VPS36: variants seen among roughly 807,000 people sequenced by gnomAD.
VPS36 encodes vacuolar protein-sorting-associated protein 36.
In VPS36, 31 loss-of-function variants were observed where a neutral mutation model predicts 63.5. The observed-to-expected ratio is 0.49, with a 90% CI of 0.37 to 0.66. The LOEUF (loss-of-function observed/expected upper bound fraction) is 0.66. VPS36 is among the 30% of genes least tolerant of loss of function. The pLI is 0.00. For synonymous variants in VPS36, 138 were observed against 157.2 expected (o/e 0.88, Z 0.91); for missense variants, 338 against 463.7 (o/e 0.73, Z 2.49).
At chr13:52,427,745 C>CG (rs1365445505) in intron 6 of VPS36, among the ~76,000 whole-genome samples, 2 of 152,014 alleles carry the variant, frequency 1.3e-5, no homozygotes, top group African/African-American at 4.8e-5. Flanking sequence ...TGCAAAAGAA[C>CG]TTCACATTTT....
At chr13:52,439,425 TTTTC>T (rs1468359915) in intron 2 of VPS36, among the ~76,000 whole-genome samples, 1 of 151,856 alleles carries the variant, frequency 6.6e-6, no homozygotes, top group Non-Finnish European at 1.5e-5. Flanking sequence ...AATGGGTGTA[TTTTC>T]TTTATTATTA....
intron 2 of VPS36, among the ~76,000 whole-genome samples, chr13:52,441,425 T>C (rs1161246141): frequency 6.6e-6 from 1 of 152,120 alleles, no homozygotes; most frequent in Non-Finnish European, 1.5e-5. Flanking sequence ...ATCAGCTCTA[T>C]ATACATATAA....
chr13:52,450,361 AG>A, intron 1 of VPS36, 137 bp downstream of exon 1: 1 of 1,232,120 alleles, frequency 8.1e-7, no homozygotes, highest in Non-Finnish European at 1.0e-6. Flanking sequence ...CACCCCGCAC[AG>A]AGGCCTGCCG....
intron 6 of VPS36, among the ~76,000 whole-genome samples, chr13:52,430,777 G>A (rs1397257194): frequency 6.6e-6 from 1 of 151,836 alleles, no homozygotes; most frequent in African/African-American, 2.4e-5. Flanking sequence ...TAAAATTACT[G>A]GGCTTTAAAG....
At chr13:52,442,755 T>C (rs918903519) in intron 1 of VPS36, among the ~76,000 whole-genome samples, 1 of 152,132 alleles carries the variant, frequency 6.6e-6, no homozygotes, top group Non-Finnish European at 1.5e-5. Context: ...CTCTAAGACA[T>C]TGGATGAGTG....
intron 9 of VPS36, among the ~76,000 whole-genome samples, chr13:52,424,708 C>T (rs775018373): frequency 2.0e-5 from 3 of 152,010 alleles, no homozygotes; most frequent in South Asian, 2.1e-4. Context: ...AATACTAGGC[C>T]GGCACGGTGG....
rs1322671121 is a variant in VPS36, at chr13:52,417,075, C to A, written c.972G>T (p.Val324=). 6.2e-7 allele frequency: 1 copy of A among 1,613,988 alleles called. No homozygotes were observed. The highest frequency in any genetic ancestry group is 1.1e-5 in the South Asian group (1 of 91,042). ...CACATACTGTCTCCAGGGCCGAGGC[C>A]ACCATTTCCTCTTCCTTGTGAGACT... ...ELQSHKEEEM[V]ASALETVSEK... is the part of the protein sequence containing the mutation. The change falls in exon 12 of 14, where the codon GTG becomes GTT. Residue 324 remains valine (V), a synonymous_variant. Coordinates refer to ENST00000378060, the MANE Select transcript of VPS36 (RefSeq NM_016075.4).
intron 10 of VPS36, 146 bp downstream of exon 10, chr13:52,423,428 A>G: frequency 1.9e-6 from 1 of 526,194 alleles, no homozygotes; most frequent in Non-Finnish European, 3.2e-6. Context: ...TCTACCTCCT[A>G]GATCCCAGGA....
At chr13:52,436,958 A>G (rs1958225356) in intron 3 of VPS36, among the ~76,000 whole-genome samples, 1 of 152,202 alleles carries the variant, frequency 6.6e-6, no homozygotes, top group African/African-American at 2.4e-5. Context: ...CTGTGGCTCT[A>G]AGAACACAAA....
chr13:52,430,947 G>C (rs1958149425), intron 6 of VPS36, among the ~76,000 whole-genome samples: 1 of 151,938 alleles, frequency 6.6e-6, no homozygotes, highest in Non-Finnish European at 1.5e-5. Context: ...AAGAAAATGT[G>C]AGCTGAGGAT....
At chr13:52,437,658 C>T (rs964497982) in intron 3 of VPS36, among the ~76,000 whole-genome samples, 36 of 152,074 alleles carry the variant, frequency 2.4e-4, no homozygotes, top group Admixed American at 3.3e-4. Context: ...AAGCCGGGCG[C>T]GGTGGCTCAT....
chr13:52,441,411 A>T (rs1047777143), intron 2 of VPS36, among the ~76,000 whole-genome samples: 1 of 152,152 alleles, frequency 6.6e-6, no homozygotes, highest in Non-Finnish European at 1.5e-5. Flanking sequence ...TTGGGAATAA[A>T]GATATCAGCT....
At chr13:52,436,122 T>C (rs1157628510) in intron 4 of VPS36, 168 bp downstream of exon 4, 7 of 485,494 alleles carry the variant, frequency 1.4e-5, no homozygotes, top group Non-Finnish European at 2.2e-5. Flanking sequence ...CTCCACTCAC[T>C]GCTAAGGCTT....
chr13:52,431,333 T>G (rs1259153666), intron 6 of VPS36, among the ~76,000 whole-genome samples: 1 of 152,216 alleles, frequency 6.6e-6, no homozygotes, highest in Non-Finnish European at 1.5e-5. Context: ...AAGTACGCTC[T>G]TGTTAGGCAC....
chr13:52,420,966 T>G (rs1958039710), intron 10 of VPS36, among the ~76,000 whole-genome samples: 1 of 152,018 alleles, frequency 6.6e-6, no homozygotes, highest in Non-Finnish European at 1.5e-5. Context: ...ACTAAAAGTA[T>G]GAAAATTCTC....
At chr13:52,436,255 C>CA in intron 4 of VPS36, 35 bp downstream of exon 4, 2 of 722,990 alleles carry the variant, frequency 2.8e-6, no homozygotes, top group Non-Finnish European at 2.1e-6. Flanking sequence ...ACACACACAC[C>CA]TTTCTAGTAC....
chr13:52,445,638 C>CAAAAAAAAAAAAAAAAA (rs1260034533), intron 1 of VPS36, among the ~76,000 whole-genome samples: 3 of 36,784 alleles, frequency 8.2e-5, no homozygotes, highest in African/African-American at 3.4e-4. Context: ...GACTCCGTCT[C>CAAAAAAAAAAAAAAAAA]AAAAAAAAAA....
chr13:52,421,351 G>A (rs993126604), intron 10 of VPS36, among the ~76,000 whole-genome samples: 1 of 152,092 alleles, frequency 6.6e-6, no homozygotes, highest in South Asian at 2.1e-4. Context: ...TAGAAGAGTG[G>A]CTACCAGAGG....
chr13:52,418,684 A>G (rs991181820), intron 10 of VPS36, among the ~76,000 whole-genome samples: 12 of 152,202 alleles, frequency 7.9e-5, no homozygotes, highest in Non-Finnish European at 1.5e-5. Context: ...TATAATCAAT[A>G]CAAAAAATTA....
Sources: allele counts gnomAD v4.1 joint callset (sites outside exome capture counted in the v4.1 genomes callset), GRCh38; gene constraint gnomAD v4.1.1; transcripts MANE v1.5; gene names NCBI Gene and HGNC (gene_info 2026-07-23, HGNC 2026-07-21).